Variants in NKAIN3 observed in about 807,000 individuals in gnomAD.
NKAIN3 encodes the protein sodium/potassium-transporting ATPase subunit beta-1-interacting protein 3.
Under a neutral mutation model 30.2 loss-of-function variants are expected in NKAIN3, and 25 were observed. That is an observed-to-expected ratio of 0.83 (90% CI 0.60 to 1.16). The LOEUF (loss-of-function observed/expected upper bound fraction) is 1.16. Among genes scored for constraint, NKAIN3 ranks in the 50% most tolerant of loss-of-function variants. The pLI is 0.00. For missense variants in NKAIN3, 225 were observed against 254.1 expected, an observed-to-expected ratio of 0.89 and a Z score of 0.78; for synonymous variants, 91 against 89.6, an observed-to-expected ratio of 1.02 and a Z score of -0.09.
At chr8:62,462,691 G>A (rs1806034572) in intron 1 of NKAIN3, among the ~76,000 whole-genome samples, 1 of 152,044 alleles carries the variant, frequency 6.6e-6, no homozygotes, top group Non-Finnish European at 1.5e-5. Flanking sequence ...ATATTTACCT[G>A]TACAACATCT....
At chr8:62,859,775 A>G (rs1820186839) in intron 4 of NKAIN3, among the ~76,000 whole-genome samples, 1 of 152,152 alleles carries the variant, frequency 6.6e-6, no homozygotes, top group South Asian at 2.1e-4. Flanking sequence ...ACTCTGCTAG[A>G]TTCTCATGTA....
chr8:62,749,632 AT>A (rs1816203669), intron 4 of NKAIN3, among the ~76,000 whole-genome samples: 1 of 128,890 alleles, frequency 7.8e-6, no homozygotes, highest in South Asian at 2.5e-4. Context: ...TTTGTCACTT[AT>A]TTTATATGAT....
At chr8:62,690,662 C>T (rs1813938879) in intron 3 of NKAIN3, among the ~76,000 whole-genome samples, 1 of 152,166 alleles carries the variant, frequency 6.6e-6, no homozygotes, top group African/African-American at 2.4e-5. Flanking sequence ...GTGACAGAGG[C>T]ACTCCCAGCC....
intron 5 of NKAIN3, among the ~76,000 whole-genome samples, chr8:62,995,694 CT>C (rs1366121452): frequency 6.6e-6 from 1 of 152,118 alleles, no homozygotes; most frequent in Non-Finnish European, 1.5e-5. Context: ...ACATAAGAAA[CT>C]TTAAGAAGAG....
chr8:62,762,929 A>G (rs1208371713), intron 4 of NKAIN3, among the ~76,000 whole-genome samples: 3 of 152,118 alleles, frequency 2.0e-5, no homozygotes, highest in Non-Finnish European at 4.4e-5. Flanking sequence ...AGATCTATCA[A>G]ACAACTTATA....
chr8:62,396,574 C>T (rs1406440786), intron 1 of NKAIN3, among the ~76,000 whole-genome samples: 11 of 152,126 alleles, frequency 7.2e-5, no homozygotes, highest in Non-Finnish European at 1.6e-4. Context: ...TCACTTTTTG[C>T]TTAAACAATT....
In NKAIN3 at chr8:62,975,722, T is replaced by C. The variant is rs1823926563; in HGVS notation, c.*10315T>C. ...TAGCTTTTGAAATAGTCTGCTCTTG[T>C]TTCTTTAATTCTTTTAATTGTGATG... On this transcript the variant is annotated 3_prime_UTR_variant, in exon 7 of 7. Transcript: ENST00000623646. 6.6e-6 allele frequency among the ~76,000 whole-genome samples: 1 copy of C among 152,104 alleles called. No homozygotes were observed. The highest frequency in any genetic ancestry group is 2.4e-5 in the African/African-American group (1 of 41,448).
At chr8:62,715,621 A>G (rs1470567169) in intron 3 of NKAIN3, among the ~76,000 whole-genome samples, 3 of 152,184 alleles carry the variant, frequency 2.0e-5, no homozygotes, top group Non-Finnish European at 2.9e-5. Flanking sequence ...ATAAAGTGCT[A>G]ACAACTGTGT....
Position 62,975,494 on chromosome 8 carries a change from G to A in NKAIN3, c.*10087G>A, listed in dbSNP as rs950532037. On this transcript the variant is annotated 3_prime_UTR_variant, in exon 7 of 7. Transcript: ENST00000623646. ...CTCTGACGGTAGTTTGCATTTCTGT[G>A]GGATTAGTGGTGATCTCCACTTTAT... Among the ~76,000 whole-genome samples, 1 of 152,056 alleles carries A rather than the reference G, an allele frequency of 6.6e-6. No individual in the cohort carries two copies. Among genetic ancestry groups the A allele is most frequent in the Non-Finnish European group, 1.5e-5 (1 of 68,012 alleles).
At chr8:62,858,236 T>C (rs1253596827) in intron 4 of NKAIN3, among the ~76,000 whole-genome samples, 2 of 150,950 alleles carry the variant, frequency 1.3e-5, no homozygotes, top group African/African-American at 4.9e-5. Context: ...CTCTGGAAGC[T>C]CCATCCCGGG....
At chr8:62,870,472 ATT>A (rs1459552026) in intron 4 of NKAIN3, among the ~76,000 whole-genome samples, 26 of 136,712 alleles carry the variant, frequency 1.9e-4, no homozygotes, top group Admixed American at 1.3e-3. Context: ...ATACATATAT[ATT>A]GTATATAATG....
At position 62,982,376 on chromosome 8, in the gene NKAIN3, GT is replaced by G. The variant is rs1376171207; in HGVS notation, c.*16970del. ...AATTTGAATGGAGAGCCCTTTCAAT[GT>G]GGCGTTTCTGTTTCTTCCATAACCT... is the stretch of plus-strand genomic sequence containing the variant. On this transcript the variant is annotated 3_prime_UTR_variant, in exon 7 of 7. Transcript: ENST00000623646. 1 of 152,164 alleles carries G rather than the reference GT, an allele frequency of 6.6e-6. No individual in the cohort carries two copies. Among genetic ancestry groups the G allele is most frequent in the Non-Finnish European group, 1.5e-5 (1 of 68,028 alleles). 9.4% of individuals were successfully genotyped at this position (152,164 alleles called of 1,614,324 possible).
At chr8:62,790,662 G>T (rs888532547) in intron 4 of NKAIN3, among the ~76,000 whole-genome samples, 1 of 151,690 alleles carries the variant, frequency 6.6e-6, no homozygotes, top group African/African-American at 2.4e-5. Context: ...TTAAATATCT[G>T]CTGTATGTCT....
rs147562451 is a variant in NKAIN3, at chr8:62,328,422, G to A, written c.54+79295G>A. 4.5e-3 allele frequency among the ~76,000 whole-genome samples: 682 copies of A among 152,196 alleles called. 1 individual carries two copies. The highest frequency in any genetic ancestry group is 0.02 in the Middle Eastern group (6 of 294). On this transcript the variant is annotated intron_variant, in intron 1 of 6. Coordinates refer to ENST00000623646, the MANE Select transcript of NKAIN3 (RefSeq NM_001304533.3). ...TAAAATACCTATAATGAGAGGGGTCGTATTACAAGGAAAGCATGAGAAACT... is the reference window on the plus strand; with the variant it reads ...TAAAATACCTATAATGAGAGGGGTCATATTACAAGGAAAGCATGAGAAACT...
chr8:62,591,486 A>G (rs1810650957), intron 3 of NKAIN3, among the ~76,000 whole-genome samples: 1 of 152,018 alleles, frequency 6.6e-6, no homozygotes, highest in South Asian at 2.1e-4. Context: ...ATAAATAAGT[A>G]TCAGCAGTCA....
At chr8:62,929,324 T>C (rs946483249) in intron 5 of NKAIN3, among the ~76,000 whole-genome samples, 1 of 152,224 alleles carries the variant, frequency 6.6e-6, no homozygotes. Context: ...GGATAAAAAG[T>C]ATACTGTGTT....
chr8:62,794,666 A>G (rs1177164172), intron 4 of NKAIN3, among the ~76,000 whole-genome samples: 1 of 152,136 alleles, frequency 6.6e-6, no homozygotes, highest in East Asian at 1.9e-4. Context: ...TACACTTGTT[A>G]CTTATTTATT....
chr8:62,451,860 T>A (rs1246853690), intron 1 of NKAIN3, among the ~76,000 whole-genome samples: 2 of 152,236 alleles, frequency 1.3e-5, no homozygotes, highest in African/African-American at 4.8e-5. Context: ...TAGGCCAAAA[T>A]ATGTCTGAGA....
chr8:62,531,360 G>T (rs1367387194), intron 1 of NKAIN3, among the ~76,000 whole-genome samples: 1 of 152,152 alleles, frequency 6.6e-6, no homozygotes, highest in Admixed American at 6.5e-5. Flanking sequence ...ATGTCTCATA[G>T]GTTGAAACTA....
Sources: allele counts gnomAD v4.1 joint callset (sites outside exome capture counted in the v4.1 genomes callset), GRCh38; gene constraint gnomAD v4.1.1; transcripts MANE v1.5; gene names NCBI Gene and HGNC (gene_info 2026-07-23, HGNC 2026-07-21).